HTR2C: variants seen among roughly 807,000 people sequenced by gnomAD.
HTR2C encodes 5-hydroxytryptamine (serotonin) receptor 2C, G protein-coupled.
A neutral mutation model predicts 21.0 loss-of-function variants in HTR2C; 5 were observed. The observed-to-expected ratio is 0.24, with a 90% CI of 0.12 to 0.50. The LOEUF is 0.50. HTR2C is among the 20% of genes least tolerant of loss of function. The pLI is 0.98. For missense variants in HTR2C, 271 were observed against 371.2 expected, an observed-to-expected ratio of 0.73 and a Z score of 2.22; for synonymous variants, 150 against 145.3, an observed-to-expected ratio of 1.03 and a Z score of -0.23.
At chrX:114,650,928 T>G (rs1365504711) in intron 2 of HTR2C, among the ~76,000 whole-genome samples, 1 of 111,618 alleles carries the variant, frequency 9.0e-6, no homozygotes, top group Non-Finnish European at 1.9e-5. Context: ...ATAAAACCTA[T>G]GAAGAGGAGA....
At chrX:114,873,392 T>C (rs2071107365) in intron 5 of HTR2C, among the ~76,000 whole-genome samples, 1 of 111,702 alleles carries the variant, frequency 9.0e-6, no homozygotes, top group South Asian at 3.7e-4. Context: ...GTTGTTGCTT[T>C]AGGGTTTTTT....
intron 2 of HTR2C, among the ~76,000 whole-genome samples, chrX:114,688,216 G>A (rs1386246630): frequency 2.8e-5 from 3 of 107,914 alleles, no homozygotes; most frequent in African/African-American, 1.0e-4. Context: ...AGCTACTAGC[G>A]AGGCTGAGGC....
intron 4 of HTR2C, among the ~76,000 whole-genome samples, chrX:114,747,062 T>A (rs1400535475): frequency 2.7e-5 from 3 of 111,847 alleles, no homozygotes; most frequent in African/African-American, 9.7e-5. Flanking sequence ...TAACCCCATC[T>A]GATCCAGAGG....
In HTR2C at chrX:114,878,150, A is replaced by G. The variant is rs782138960; in HGVS notation, c.551-28439A>G. On this transcript the variant is annotated intron_variant, in intron 5 of 5. Coordinates refer to ENST00000276198, the MANE Select transcript of HTR2C (RefSeq NM_000868.4). Reference sequence around the variant, plus strand: ...ATATTTGTGCTTCAGAGTTGAGAGCATATATATTTACCATTGTTATAATCT... The same window carrying G: ...ATATTTGTGCTTCAGAGTTGAGAGCGTATATATTTACCATTGTTATAATCT... Among the ~76,000 whole-genome samples, 10 of 110,759 alleles carry G rather than the reference A, an allele frequency of 9.0e-5. No homozygotes were observed. In the South Asian group the frequency reaches 3.7e-3, roughly 41 times the overall value.
chrX:114,607,523 A>G (rs1329585456), intron 1 of HTR2C, among the ~76,000 whole-genome samples: 2 of 111,714 alleles, frequency 1.8e-5, no homozygotes, highest in South Asian at 3.7e-4. Flanking sequence ...ATAAAAATTG[A>G]TCTTTGAATG....
intron 4 of HTR2C, among the ~76,000 whole-genome samples, chrX:114,841,697 C>T (rs964677477): frequency 4.7e-5 from 5 of 107,269 alleles, no homozygotes; most frequent in Non-Finnish European, 7.7e-5. Flanking sequence ...GGGGAGATTG[C>T]GCCACTGCAC....
chrX:114,647,242 C>T (rs1930396751), intron 2 of HTR2C, among the ~76,000 whole-genome samples: 1 of 111,404 alleles, frequency 9.0e-6, no homozygotes, highest in Non-Finnish European at 1.9e-5. Flanking sequence ...TAAATGTTCT[C>T]CCTACAAAAA....
In HTR2C at chrX:114,805,743, ATATATACACC is replaced by A. The variant is rs1569495570; in HGVS notation, c.350-42253_350-42244del. 3.1e-3 allele frequency among the ~76,000 whole-genome samples: 258 copies of A among 84,026 alleles called. 73 individuals are homozygous for A. The highest frequency in any genetic ancestry group is 0.012 in the African/African-American group (252 of 21,590). 73.0% of individuals were successfully genotyped at this position (84,026 alleles called of 115,157 possible). A position where few individuals can be genotyped will look rare whatever the true frequency, so the allele number is the denominator to read the frequency against. ...ACCATATATACACCATATATACACC[ATATATACACC>A]TATATATACACCATATCTATACCAT... On this transcript the variant is annotated intron_variant, in intron 4 of 5. Coordinates refer to ENST00000276198, the MANE Select transcript of HTR2C (RefSeq NM_000868.4).
intron 5 of HTR2C, among the ~76,000 whole-genome samples, chrX:114,871,534 C>G (rs1776489785): frequency 9.0e-6 from 1 of 111,085 alleles, no homozygotes; most frequent in African/African-American, 3.3e-5. Context: ...AAGTCTCTAA[C>G]TCTTATTGTA....
chrX:114,653,342 T>G (rs1930658381), intron 2 of HTR2C, among the ~76,000 whole-genome samples: 1 of 110,898 alleles, frequency 9.0e-6, no homozygotes, highest in African/African-American at 3.3e-5. Context: ...TTTTTAACCT[T>G]TTTCTTCCTG....
In HTR2C at chrX:114,906,737, G is replaced by A. The variant is rs782121542; in HGVS notation, c.699G>A (p.Thr233=). 5 of 1,210,987 alleles carry A rather than the reference G, an allele frequency of 4.1e-6. No homozygotes were observed. Among genetic ancestry groups the A allele is most frequent in the African/African-American group, 1.7e-5 (1 of 57,674 alleles). ...FFIPLTIMVI[T]YCLTIYVLRR... ...TACCGCTGACGATTATGGTGATTAC[G>A]TATTGCCTGACCATCTACGTTCTGC... The change falls in exon 6 of 6, where the codon ACG becomes ACA. Residue 233 remains threonine (T), a synonymous_variant. Transcript: ENST00000276198.
rs189473304 is a variant in HTR2C at position 114,874,256 on chromosome X, A to G, written c.550+26053A>G. Among the ~76,000 whole-genome samples the G allele has an allele frequency of 5.4e-3, 595 of 110,803 alleles. 5 individuals are homozygous for G. Among genetic ancestry groups the G allele is most frequent in the African/African-American group, 0.019 (573 of 30,586 alleles). On this transcript the variant is annotated intron_variant, in intron 5 of 5. Coordinates refer to ENST00000276198, the MANE Select transcript of HTR2C (RefSeq NM_000868.4). The stretch of plus-strand genomic sequence containing the variant: ...TGCATCAATAAACATGGGAGTGCAA[A>G]TATCTCTTTGACACATTGATTTTAT...
chrX:114,842,349 T>G (rs1289106907), intron 4 of HTR2C, among the ~76,000 whole-genome samples: 1 of 112,272 alleles, frequency 8.9e-6, no homozygotes, highest in Non-Finnish European at 1.9e-5. Context: ...GGACAGTAAC[T>G]TCCTTTGTTT....
chrX:114,906,528 G>A, intron 5 of HTR2C, 61 bp from the exon 6 acceptor site: 1 of 821,976 alleles, frequency 1.2e-6, no homozygotes, highest in South Asian at 2.6e-5. Context: ...GTATGCCGTT[G>A]AATACATCTG....
rs1477641129 is a variant in HTR2C, at chrX:114,807,057, CACCATATATAT to C, written c.350-40935_350-40925del. ...ATACACCATATATATACCATATATA[CACCATATATAT>C]ACCATATATACACCATATATATACC... is the stretch of plus-strand genomic sequence containing the variant. On this transcript the variant is annotated intron_variant, in intron 4 of 5. Coordinates refer to ENST00000276198, the MANE Select transcript of HTR2C (RefSeq NM_000868.4). 2.7e-3 allele frequency among the ~76,000 whole-genome samples: 84 copies of C among 31,034 alleles called. 17 individuals are homozygous for C. The highest frequency in any genetic ancestry group is 4.9e-3 in the African/African-American group (83 of 16,960). 26.9% of individuals were successfully genotyped at this position (31,034 alleles called of 115,157 possible).
chrX:114,693,027 G>C (rs1377056283), intron 2 of HTR2C, among the ~76,000 whole-genome samples: 8 of 111,769 alleles, frequency 7.2e-5, no homozygotes, highest in Non-Finnish European at 1.5e-4. Context: ...ACTTCTTTCT[G>C]TCAAGGATAG....
intron 2 of HTR2C, among the ~76,000 whole-genome samples, chrX:114,676,109 A>G (rs1556412582): frequency 9.0e-6 from 1 of 110,966 alleles, no homozygotes; most frequent in East Asian, 2.8e-4. Flanking sequence ...ACCTCAGGTG[A>G]TCCACCCACC....
chrX:114,834,055 G>T (rs1231769966), intron 4 of HTR2C, among the ~76,000 whole-genome samples: 1 of 110,769 alleles, frequency 9.0e-6, no homozygotes, highest in Non-Finnish European at 1.9e-5. Context: ...ATTGCAGTGT[G>T]GTCTGAGAGA....
chrX:114,713,354 C>T (rs1932921313), intron 2 of HTR2C, among the ~76,000 whole-genome samples: 1 of 111,709 alleles, frequency 9.0e-6, no homozygotes, highest in Admixed American at 9.6e-5. Flanking sequence ...TTTAATACCC[C>T]AGTCCATATT....
Sources: allele counts gnomAD v4.1 joint callset (sites outside exome capture counted in the v4.1 genomes callset), GRCh38; gene constraint gnomAD v4.1.1; transcripts MANE v1.5; gene names NCBI Gene and HGNC (gene_info 2026-07-23, HGNC 2026-07-21).